FAM78A: variants seen among roughly 807,000 people sequenced by gnomAD.
The protein encoded by FAM78A is family with sequence similarity 78 member A.
FAM78A carries 12 observed loss-of-function variants against 22.6 expected under a neutral mutation model. That is an observed-to-expected ratio of 0.53 (90% confidence interval 0.34 to 0.86). The LOEUF (loss-of-function observed/expected upper bound fraction) is 0.86. FAM78A is among the 40% of genes least tolerant of loss of function. The probability of loss-of-function intolerance (pLI) is 0.02; values close to 1 mark genes in which losing one functional copy is unlikely to be tolerated. For synonymous variants in FAM78A, 151 were observed against 155.8 expected, an observed-to-expected ratio of 0.97 and a Z score of 0.23; for missense variants, 322 against 396.1, an observed-to-expected ratio of 0.81 and a Z score of 1.59.
Position 131,274,899 on chromosome 9 carries a change from C to T in FAM78A, c.323+958G>A, listed in dbSNP as rs1437524891. Among the ~76,000 whole-genome samples the T allele has an allele frequency of 1.3e-5, 2 of 152,206 alleles. No homozygotes were observed. The highest frequency in any genetic ancestry group is 1.5e-5 in the Non-Finnish European group (1 of 68,032). ...GAGTGTCAGCGGCCAGTCACGGGGC[C>T]GCATGGGTGGGCTGCCCGCCGGGGC... On this transcript the variant is annotated intron_variant, in intron 1 of 1. Transcript: ENST00000372271. This position sits in a 1 kb window ranked among gnomAD's most constrained non-coding sequence, Gnocchi z 4.2.
chr9:131,271,660 G>A (rs1234647071), intron 1 of FAM78A, among the ~76,000 whole-genome samples: 1 of 152,218 alleles, frequency 6.6e-6, no homozygotes, highest in African/African-American at 2.4e-5. Flanking sequence ...TCTGCCCTTT[G>A]GCAGAATCCT....
intron 1 of FAM78A, among the ~76,000 whole-genome samples, chr9:131,269,993 G>A (rs1329054799): frequency 1.4e-5 from 2 of 142,146 alleles, no homozygotes; most frequent in Admixed American, 7.4e-5. Context: ...TCAGGAATTT[G>A]AGACCAGCCT....
intron 1 of FAM78A, among the ~76,000 whole-genome samples, chr9:131,267,960 G>T (rs352966): frequency 0.35 from 52,222 of 151,214 alleles, 10,862 homozygotes; most frequent in Non-Finnish European, 0.47. Flanking sequence ...GTTGAGGCAG[G>T]AGAATGGCAT....
intron 1 of FAM78A, chr9:131,264,194 G>C (rs1014386178): frequency 5.1e-6 from 1 of 197,530 alleles, no homozygotes; most frequent in African/African-American, 2.3e-5. Flanking sequence ...AAGAGCTGAA[G>C]GTCTGGTTTG....
At chr9:131,280,281 G>T (rs540181458), upstream of FAM78A, among the ~76,000 whole-genome samples, 3 of 151,940 alleles carry the variant, frequency 2.0e-5, no homozygotes, top group Non-Finnish European at 4.4e-5. Context: ...CGGCCCCTCC[G>T]GCCCTGCCGC....
intron 1 of FAM78A, among the ~76,000 whole-genome samples, chr9:131,268,786 G>C (rs913055358): frequency 6.6e-6 from 1 of 151,982 alleles, no homozygotes; most frequent in Non-Finnish European, 1.5e-5. Flanking sequence ...CCAGCTACTC[G>C]GGAGGCTGAG....
At chr9:131,273,751 T>C (rs1835447046) in intron 1 of FAM78A, among the ~76,000 whole-genome samples, 1 of 152,200 alleles carries the variant, frequency 6.6e-6, no homozygotes, top group Non-Finnish European at 1.5e-5. Flanking sequence ...ATCCCATTAC[T>C]GCCTGCGGTA....
At position 131,272,800 on chromosome 9, in the gene FAM78A, G is replaced by A. The variant is rs1403444523; in HGVS notation, c.323+3057C>T. On this transcript the variant is annotated intron_variant, in intron 1 of 1. Coordinates refer to ENST00000372271, the MANE Select transcript of FAM78A (RefSeq NM_033387.4). This position sits in a 1 kb window ranked among gnomAD's most constrained non-coding sequence, Gnocchi z 4.1. ...ATAAAAATTAGCTGGGCATGGTGGC[G>A]CATGCCTGTAATCCCAGCTACTCTG... Among the ~76,000 whole-genome samples, 2 of 152,018 alleles carry A rather than the reference G, an allele frequency of 1.3e-5. No homozygotes were observed. Among genetic ancestry groups the A allele is most frequent in the South Asian group, 2.1e-4 (1 of 4,818 alleles).
chr9:131,277,531 C>T (rs1320372609), upstream of FAM78A, among the ~76,000 whole-genome samples: 1 of 151,826 alleles, frequency 6.6e-6, no homozygotes, highest in Admixed American at 6.6e-5. This position sits in a 1 kb window ranked among gnomAD's most constrained non-coding sequence, Gnocchi z 8.4. Flanking sequence ...CCCACTCGGG[C>T]GGCGCCGCCG....
At position 131,265,416 on chromosome 9, in the gene FAM78A, G is replaced by A. The variant is rs537420478; in HGVS notation, c.324-4066C>T. ...GATTACAGGCATGTGCCACCATGCC[G>A]GACTAATTATTTAGTAGAGATGGGG... On this transcript the variant is annotated intron_variant, in intron 1 of 1. Transcript: ENST00000372271. This position sits in a 1 kb window ranked among gnomAD's most constrained non-coding sequence, Gnocchi z 4.3. Among the ~76,000 whole-genome samples the A allele has an allele frequency of 1.2e-4, 19 of 152,018 alleles. No homozygotes were observed. Among genetic ancestry groups the A allele is most frequent in the Admixed American group, 5.2e-4 (8 of 15,256 alleles).
Position 131,270,669 on chromosome 9 carries a change from C to T in FAM78A, c.323+5188G>A, listed in dbSNP as rs1024577151. On this transcript the variant is annotated intron_variant, in intron 1 of 1. Coordinates refer to ENST00000372271, the MANE Select transcript of FAM78A (RefSeq NM_033387.4). Reference sequence around the variant, plus strand: ...CCAGCAGATGGGGGAGGCCGCCTTCCGGTTACAGAGAGGAAGCCTCCTCCT... The same window carrying T: ...CCAGCAGATGGGGGAGGCCGCCTTCTGGTTACAGAGAGGAAGCCTCCTCCT... 1.0e-4 allele frequency: 63 copies of T among 611,814 alleles called. 1 individual carries two copies. The highest frequency in any genetic ancestry group is 9.6e-4 in the South Asian group (57 of 59,600). 37.9% of individuals were successfully genotyped at this position (611,814 alleles called of 1,614,324 possible).
Position 131,261,230 on chromosome 9 carries a change from G to A in FAM78A, c.444C>T (p.Thr148=), listed in dbSNP as rs1835263216. The change falls in exon 2 of 2, where the codon ACC becomes ACT. Residue 148 remains threonine, a synonymous_variant. Coordinates refer to ENST00000372271, the MANE Select transcript of FAM78A (RefSeq NM_033387.4). This position sits in a 1 kb window ranked among gnomAD's most constrained non-coding sequence, Gnocchi z 7.1. The part of the protein sequence containing the change: ...TTETCTIVGP[T]KRDSKFIISM... ...TGATGATGAACTTGGAGTCCCTCTT[G>A]GTGGGGCCCACGATGGTGCAGGTCT... The A allele has an allele frequency of 1.2e-6, 2 of 1,613,492 alleles. No individual in the cohort carries two copies. The highest frequency in any genetic ancestry group is 2.7e-5 in the African/African-American group (2 of 74,888).
intron 1 of FAM78A, among the ~76,000 whole-genome samples, chr9:131,269,106 A>G (rs1588199091): frequency 6.6e-6 from 1 of 150,914 alleles, no homozygotes. Flanking sequence ...CGTCTCAAAA[A>G]AAAAAAAAAA....
intron 1 of FAM78A, among the ~76,000 whole-genome samples, chr9:131,269,233 G>C (rs1835387024): frequency 6.6e-6 from 1 of 152,022 alleles, no homozygotes; most frequent in South Asian, 2.1e-4. Flanking sequence ...ACACACACAG[G>C]ATATGTTCCC....
intron 1 of FAM78A, among the ~76,000 whole-genome samples, chr9:131,268,430 C>T (rs550874809): frequency 7.2e-5 from 11 of 152,150 alleles, no homozygotes; most frequent in African/African-American, 1.9e-4. Context: ...CTGGAGGTCT[C>T]GCCTCCCACA....
intron 1 of FAM78A, among the ~76,000 whole-genome samples, chr9:131,267,101 G>A (rs922407847): frequency 3.3e-5 from 5 of 152,192 alleles, no homozygotes; most frequent in Non-Finnish European, 7.3e-5. Flanking sequence ...ACGGCAGTGA[G>A]AGGCCGGGTC....
chr9:131,271,001 C>CTTTTTTT (rs60077536), intron 1 of FAM78A, among the ~76,000 whole-genome samples: 1 of 70,402 alleles, frequency 1.4e-5, no homozygotes, highest in Non-Finnish European at 3.5e-5. Flanking sequence ...TCCCACCAGT[C>CTTTTTTT]TTTTTTTTTT....
At chr9:131,273,662 TG>T (rs1835445997) in intron 1 of FAM78A, among the ~76,000 whole-genome samples, 1 of 152,220 alleles carries the variant, frequency 6.6e-6, no homozygotes, top group African/African-American at 2.4e-5. Context: ...GGCTGACATC[TG>T]TCCTAATTCT....
At chr9:131,280,650 C>T (rs1220850140), upstream of FAM78A, among the ~76,000 whole-genome samples, 2 of 152,188 alleles carry the variant, frequency 1.3e-5, no homozygotes, top group African/African-American at 4.8e-5. Context: ...ACAAGGTCCT[C>T]AATTCCTGGC....
Sources: gnomAD v4.1 joint callset for allele counts (sites outside exome capture counted in the v4.1 genomes callset) on GRCh38, gnomAD v4.1.1 for gene constraint, Gnocchi (gnomAD v3.1) non-coding constraint, MANE v1.5 for transcripts, NCBI Gene and HGNC (gene_info 2026-07-23, HGNC 2026-07-21) for gene names.